Variants in LHX4 observed in about 807,000 individuals in gnomAD.
The protein encoded by LHX4 is LIM/homeobox protein Lhx4.
A neutral mutation model predicts 39.2 loss-of-function variants in LHX4; 16 were observed. That is an observed-to-expected ratio of 0.41 (90% CI 0.28 to 0.62). The LOEUF (loss-of-function observed/expected upper bound fraction) is 0.62. Ranked by LOEUF, LHX4 falls within the 20% of genes least tolerant of loss-of-function variation. The pLI is 0.33. For synonymous variants in LHX4, 206 were observed against 198.1 expected (o/e 1.04, Z -0.33); for missense variants, 439 against 511.9 (o/e 0.86, Z 1.37).
intron 2 of LHX4, among the ~76,000 whole-genome samples, chr1:180,265,918 C>T (rs1176460597): frequency 2.9e-4 from 44 of 152,186 alleles, no homozygotes; most frequent in Non-Finnish European, 1.5e-5. Context: ...CAGGCAGGGC[C>T]TCCTCCCTGG....
chr1:180,270,047 C>T (rs533791335), intron 3 of LHX4: 8 of 152,390 alleles, frequency 5.2e-5, no homozygotes, highest in Admixed American at 4.6e-4. Context: ...TGCTTCATTC[C>T]TCTAGTGCCT....
chr1:180,258,283 G>T (rs539506415), intron 2 of LHX4, among the ~76,000 whole-genome samples: 4 of 152,342 alleles, frequency 2.6e-5, no homozygotes, highest in African/African-American at 9.6e-5. Flanking sequence ...GGAAATGCAG[G>T]TACCTGGGGG....
At chr1:180,272,275 GA>G (rs1350629967) in intron 5 of LHX4, among the ~76,000 whole-genome samples, 1 of 152,146 alleles carries the variant, frequency 6.6e-6, no homozygotes, top group Non-Finnish European at 1.5e-5. Flanking sequence ...CCCTCCTGCT[GA>G]CTGGGGCCTC....
At chr1:180,237,005 C>T (rs554263068) in intron 1 of LHX4, among the ~76,000 whole-genome samples, 2 of 152,280 alleles carry the variant, frequency 1.3e-5, no homozygotes, top group Admixed American at 1.3e-4. Flanking sequence ...GTTAACAATG[C>T]CCATAACAGA....
intron 1 of LHX4, among the ~76,000 whole-genome samples, chr1:180,233,569 G>A (rs1664229488): frequency 6.6e-6 from 1 of 152,260 alleles, no homozygotes; most frequent in Non-Finnish European, 1.5e-5. Context: ...ACGCGTCGGG[G>A]CCCTGCTGGC....
Position 180,234,113 on chromosome 1 carries a change from T to G in LHX4, c.76+3508T>G, listed in dbSNP as rs368999520. On this transcript the variant is annotated intron_variant, in intron 1 of 5. Coordinates refer to ENST00000263726, the MANE Select transcript of LHX4 (RefSeq NM_033343.4). The surrounding 1 kb of genome is among the most constrained non-coding windows in gnomAD (Gnocchi z 4.8). The stretch of plus-strand genomic sequence containing the variant: ...AAACGCTGGTGCTGTTCGCTCTTCT[T>G]TCCATTCCTGCCTTGTCTCCTAGTG... Among the ~76,000 whole-genome samples, 21 of 141,840 alleles carry G rather than the reference T, an allele frequency of 1.5e-4. No homozygotes were observed. The highest frequency in any genetic ancestry group is 5.5e-4 in the African/African-American group (21 of 38,516). The allele number at this position is 141,840 out of a possible 152,430, so 93.1% of individuals were successfully genotyped here. A position where few individuals can be genotyped will look rare whatever the true frequency, so the allele number is the denominator to read the frequency against.
rs1648345711 is a variant in LHX4, at chr1:180,266,990, G to A, written c.451+396G>A. ...CTGCCGCTTAGTTTTGCACATCAGG[G>A]TGCACATGGACCTCTCAGCAGCCCC... On this transcript the variant is annotated intron_variant, in intron 3 of 5. Transcript: ENST00000263726. The surrounding 1 kb of genome is among the most constrained non-coding windows in gnomAD (Gnocchi z 5.7). 6.6e-6 allele frequency among the ~76,000 whole-genome samples: 1 copy of A among 152,150 alleles called. No homozygotes were observed. Among genetic ancestry groups the A allele is most frequent in the Non-Finnish European group, 1.5e-5 (1 of 68,026 alleles).
At chr1:180,254,804 C>T (rs774713634) in intron 2 of LHX4, among the ~76,000 whole-genome samples, 5 of 152,192 alleles carry the variant, frequency 3.3e-5, no homozygotes, top group Non-Finnish European at 7.3e-5. Context: ...TTCTGAGTGA[C>T]TGTGAGGACT....
intron 2 of LHX4, among the ~76,000 whole-genome samples, chr1:180,261,791 G>A (rs908518029): frequency 2.6e-5 from 4 of 152,298 alleles, no homozygotes; most frequent in East Asian, 1.9e-4. Flanking sequence ...ATATCAGCTC[G>A]CTCACGCCGC....
chr1:180,273,524 G>T (rs7543669), intron 5 of LHX4: 41,302 of 152,504 alleles, frequency 0.27, 7,040 homozygotes, highest in African/African-American at 0.48. Context: ...GTTGGAGAGA[G>T]AAATTCTTTC....
At chr1:180,229,966 G>GGGGGGGCGGGGGGGGC (rs1171507301), upstream of LHX4, among the ~76,000 whole-genome samples, 3 of 57,502 alleles carry the variant, frequency 5.2e-5, no homozygotes, top group Non-Finnish European at 1.5e-4. Flanking sequence ...AGGCGGGGAG[G>GGGGGGGCGGGGGGGGC]GGGGGGGGGT....
intron 2 of LHX4, among the ~76,000 whole-genome samples, chr1:180,252,230 GCAGTAAGGA>G (rs1344843217): frequency 2.0e-5 from 3 of 152,200 alleles, no homozygotes; most frequent in Non-Finnish European, 4.4e-5. Context: ...CAGTGGAGGT[GCAGTAAGGA>G]CAGAGACCGT....
At chr1:180,249,515 G>A (rs1238072503) in intron 2 of LHX4, among the ~76,000 whole-genome samples, 1 of 152,194 alleles carries the variant, frequency 6.6e-6, no homozygotes, top group Non-Finnish European at 1.5e-5. Flanking sequence ...GTGGCCCAGG[G>A]GGCGCCAGGG....
chr1:180,271,738 G>A (rs1648674251), intron 4 of LHX4, 97 bp from the exon 5 acceptor site: 2 of 1,413,932 alleles, frequency 1.4e-6, no homozygotes, highest in African/African-American at 1.4e-5. Flanking sequence ...CTCCATTCAG[G>A]CTTCAGTCTG....
rs1558207214 is a variant in LHX4 at position 180,234,205 on chromosome 1, AT to A, written c.76+3601del. ...TATATATATATATATATATATATAT[AT>A]ATATATATATATATAATAGATTGAG... On this transcript the variant is annotated intron_variant, in intron 1 of 5. Coordinates refer to ENST00000263726, the MANE Select transcript of LHX4 (RefSeq NM_033343.4). This position sits in a 1 kb window ranked among gnomAD's most constrained non-coding sequence, Gnocchi z 4.8. Among the ~76,000 whole-genome samples, 783 of 69,808 alleles carry A rather than the reference AT, an allele frequency of 0.011. 20 individuals are homozygous for A. Among genetic ancestry groups the A allele is most frequent in the South Asian group, 0.034 (48 of 1,430 alleles). The allele number at this position is 69,808 out of a possible 152,430, so 45.8% of individuals were successfully genotyped here. A position where few individuals can be genotyped will look rare whatever the true frequency, so the allele number is the denominator to read the frequency against.
At chr1:180,250,348 T>TGTGCGC (rs561965552) in intron 2 of LHX4, among the ~76,000 whole-genome samples, 2 of 63,436 alleles carry the variant, frequency 3.2e-5, no homozygotes, top group Non-Finnish European at 6.6e-5. Flanking sequence ...TGTGTGTGTG[T>TGTGCGC]GCGCGCGTGG....
In LHX4 at chr1:180,271,389, A is replaced by C. The variant is rs1648647086; in HGVS notation, c.461A>C (p.Glu154Ala). 6.2e-7 allele frequency: 1 copy of C among 1,614,086 alleles called. No individual in the cohort carries two copies. The highest frequency in any genetic ancestry group is 8.5e-7 in the Non-Finnish European group (1 of 1,180,036). ...YETAKQNDDS[E>A]AGAKRPRTTI... is the part of the protein sequence containing the mutation. Reference sequence around the variant, plus strand: ...TGGTTTTTCCTTGCAGATGACTCAGAGGCTGGAGCTAAGCGGCCCCGGACC... The same window carrying C: ...TGGTTTTTCCTTGCAGATGACTCAGCGGCTGGAGCTAAGCGGCCCCGGACC... Residue 154 changes from glutamate to alanine, a missense_variant, in exon 4 of 6, where the codon GAG becomes GCG. By Grantham distance (107) the Glu-to-Ala change is moderately radical (BLOSUM62 -1). Transcript: ENST00000263726.
upstream of LHX4, among the ~76,000 whole-genome samples, chr1:180,229,465 G>A (rs1176291054): frequency 2.0e-5 from 3 of 152,140 alleles, no homozygotes; most frequent in Non-Finnish European, 4.4e-5. Flanking sequence ...ACAGCCCCTG[G>A]TCCCCTTCCC....
rs564400695 is a variant in LHX4 at position 180,234,351 on chromosome 1, C to T, written c.76+3746C>T. 6.6e-6 allele frequency among the ~76,000 whole-genome samples: 1 copy of T among 151,980 alleles called. No homozygotes were observed. The highest frequency in any genetic ancestry group is 2.1e-4 in the South Asian group (1 of 4,814). On this transcript the variant is annotated intron_variant, in intron 1 of 5. Transcript: ENST00000263726. This position sits in a 1 kb window ranked among gnomAD's most constrained non-coding sequence, Gnocchi z 4.8. ...ATTTTTACAGATGAGGTCAGCTGTC[C>T]CCGCCGGCCGATTCGGGCCTGATGG... is the stretch of plus-strand genomic sequence containing the variant.
Sources: gnomAD v4.1 joint callset for allele counts (sites outside exome capture counted in the v4.1 genomes callset) on GRCh38, gnomAD v4.1.1 for gene constraint, Gnocchi (gnomAD v3.1) non-coding constraint, MANE v1.5 for transcripts, NCBI Gene and HGNC (gene_info 2026-07-23, HGNC 2026-07-21) for gene names.